Variants in GLYATL2 observed in about 807,000 individuals in gnomAD.
GLYATL2 encodes glycine N-acyltransferase-like protein 2.
GLYATL2 carries 25 observed loss-of-function variants against 21.4 expected under a neutral mutation model. The ratio of observed to expected loss-of-function variants is 1.17; its 90% CI spans 0.85 to 1.63. The LOEUF (loss-of-function observed/expected upper bound fraction) is 1.63, where lower values mean the gene tolerates loss of function less well. GLYATL2 is among the 40% of genes most tolerant of loss of function. The pLI is 0.00. For missense variants in GLYATL2, 361 were observed against 343.3 expected, an observed-to-expected ratio of 1.05 and a Z score of -0.41; for synonymous variants, 114 against 118.2, an observed-to-expected ratio of 0.96 and a Z score of 0.23.
At chr11:58,870,766 AT>A (rs1854103759) in intron 1 of GLYATL2, among the ~76,000 whole-genome samples, 1 of 152,240 alleles carries the variant, frequency 6.6e-6, no homozygotes. Flanking sequence ...AATGTTGCAT[AT>A]GCAATAGACG....
At chr11:58,838,714 A>C (rs1565088078) in intron 2 of GLYATL2, among the ~76,000 whole-genome samples, 1 of 152,176 alleles carries the variant, frequency 6.6e-6, no homozygotes, top group Non-Finnish European at 1.5e-5. Flanking sequence ...GTCTGTCTTA[A>C]GCATGAAAAA....
chr11:58,845,326 T>C (rs1853623461), upstream of GLYATL2, among the ~76,000 whole-genome samples: 1 of 152,190 alleles, frequency 6.6e-6, no homozygotes, highest in African/African-American at 2.4e-5. Flanking sequence ...TTATACTGGG[T>C]GCAGTGGCTC....
rs1236427380 is a variant in GLYATL2 at position 58,838,367 on chromosome 11, A to G, written c.80T>C (p.Val27Ala). The G allele has an allele frequency of 1.7e-5, 27 of 1,594,460 alleles. No homozygotes were observed. Among genetic ancestry groups the G allele is most frequent in the Non-Finnish European group, 2.3e-5 (27 of 1,162,748 alleles). ...TTTTATGTTGAAAATGGCGCCATAT[A>G]CCTACGATGCAACAGAACAAAGCAG... Reference protein sequence around the residue: ...LEKSIPESIKVYGAIFNIKDK... With the variant: ...LEKSIPESIKAYGAIFNIKDK... Residue 27 changes from valine (V) to alanine (A), a missense_variant and splice_region_variant, in exon 3 of 6, where the codon GTA becomes GCA. Coordinates refer to ENST00000287275, the MANE Select transcript of GLYATL2 (RefSeq NM_145016.4).
upstream of GLYATL2, among the ~76,000 whole-genome samples, chr11:58,848,985 C>G (rs1053728116): frequency 6.6e-6 from 1 of 152,116 alleles, no homozygotes; most frequent in Non-Finnish European, 1.5e-5. Context: ...AATGGAGATA[C>G]AATACATCTG....
At chr11:58,873,584 A>G (rs1854166430) in intron 1 of GLYATL2, among the ~76,000 whole-genome samples, 1 of 152,188 alleles carries the variant, frequency 6.6e-6, no homozygotes, top group Admixed American at 6.5e-5. Context: ...ATACTGGATT[A>G]CGTTTATTGA....
At chr11:58,885,264 G>C (rs1312545682) in intron 1 of GLYATL2, among the ~76,000 whole-genome samples, 1 of 152,186 alleles carries the variant, frequency 6.6e-6, no homozygotes, top group Admixed American at 6.5e-5. Context: ...CTGCCTGCTT[G>C]CTGGTAACTT....
intron 1 of GLYATL2, chr11:58,878,275 A>G: frequency 2.2e-6 from 1 of 445,348 alleles, no homozygotes. Flanking sequence ...CAGAAGCAGG[A>G]TCTGAAGTGG....
chr11:58,837,453 T>C, intron 3 of GLYATL2, 56 bp from the exon 4 acceptor site: 1 of 1,514,036 alleles, frequency 6.6e-7, no homozygotes, highest in African/African-American at 1.4e-5. Context: ...CAAAATGTTC[T>C]TGCATAGGTC....
chr11:58,838,632 A>C (rs140041427), intron 2 of GLYATL2, among the ~76,000 whole-genome samples: 3 of 152,274 alleles, frequency 2.0e-5, no homozygotes, highest in Non-Finnish European at 4.4e-5. Flanking sequence ...TTTCTAAAAA[A>C]TTCATGCCAT....
rs1373745614 is a variant in GLYATL2 at position 58,837,293 on chromosome 11, C to G, written c.291G>C (p.Trp97Cys). 5 of 1,613,720 alleles carry G rather than the reference C, an allele frequency of 3.1e-6. No individual in the cohort carries two copies. Among genetic ancestry groups the G allele is most frequent in the Admixed American group, 3.3e-5 (2 of 59,980 alleles). The change falls in exon 4 of 6, where the codon TGG (tryptophan) becomes TGC (cysteine). Residue 97 changes from tryptophan (W) to cysteine (C), a missense_variant. Coordinates refer to ENST00000287275, the MANE Select transcript of GLYATL2 (RefSeq NM_145016.4). ...TACCTTGGATCTGCAAAGTTTGCTC[C>G]CAGCTGATTACATTGGAGTATGACA... ...EVLSYSNVISWEQTLQIQGCQ... is the reference protein window; with the variant it reads ...EVLSYSNVISCEQTLQIQGCQ...
intron 1 of GLYATL2, among the ~76,000 whole-genome samples, chr11:58,878,924 T>C (rs2134609901): frequency 6.6e-6 from 1 of 152,320 alleles, no homozygotes; most frequent in South Asian, 2.1e-4. Context: ...CCCTTTTGGC[T>C]AAGAATGAGT....
chr11:58,874,077 G>A lies in GLYATL2; in HGVS notation n.60+30079C>T, dbSNP rs569655412. Among the ~76,000 whole-genome samples, 11 of 152,228 alleles carry A rather than the reference G, an allele frequency of 7.2e-5. No homozygotes were observed. In the South Asian group the frequency reaches 2.1e-3, roughly 29 times the overall value. On this transcript the variant is annotated intron_variant and non_coding_transcript_variant, in intron 1 of 4. Transcript: ENST00000533636. ...AGATTTTATAGTTTATTTGTGTAGA[G>A]GTGTTTATAGTATTCTTGATGGTAG...
At chr11:58,873,877 G>A (rs970732175) in intron 1 of GLYATL2, among the ~76,000 whole-genome samples, 5 of 152,102 alleles carry the variant, frequency 3.3e-5, no homozygotes, top group Admixed American at 2.0e-4. Flanking sequence ...GCTCCTCCTT[G>A]TACTTCTGGT....
intron 1 of GLYATL2, among the ~76,000 whole-genome samples, chr11:58,841,775 A>G (rs192894425): frequency 6.6e-6 from 1 of 152,338 alleles, no homozygotes; most frequent in East Asian, 1.9e-4. Context: ...AAAGGAGAGC[A>G]ATCAACTTCA....
chr11:58,909,316 C>T, the GLYATL2 span, among the ~76,000 whole-genome samples: 2 of 152,128 alleles, frequency 1.3e-5, no homozygotes, highest in Admixed American at 6.5e-5. Context: ...AAGATCTGTA[C>T]AGCATGGTGC....
chr11:58,850,223 G>C (rs1374309207), intron 1 of GLYATL2, among the ~76,000 whole-genome samples: 1 of 152,130 alleles, frequency 6.6e-6, no homozygotes, highest in East Asian at 1.9e-4. Flanking sequence ...CTGTAGGTCT[G>C]TCATATATAG....
At chr11:58,850,724 A>G (rs1192208850) in intron 1 of GLYATL2, among the ~76,000 whole-genome samples, 3 of 151,930 alleles carry the variant, frequency 2.0e-5, no homozygotes, top group Admixed American at 2.0e-4. Flanking sequence ...AGCACCTGCT[A>G]CTTAGCAGAC....
At chr11:58,843,116 C>T (rs770792196) in intron 1 of GLYATL2, among the ~76,000 whole-genome samples, 8 of 151,968 alleles carry the variant, frequency 5.3e-5, no homozygotes, top group Non-Finnish European at 1.2e-4. Context: ...TTTCCAAGAA[C>T]CTATTGACAA....
chr11:58,846,988 T>G (rs777323220), upstream of GLYATL2, among the ~76,000 whole-genome samples: 3 of 152,008 alleles, frequency 2.0e-5, no homozygotes, highest in Non-Finnish European at 2.9e-5. Flanking sequence ...TCTTGCATCT[T>G]GGATATCAGC....
Sources: gnomAD v4.1 joint callset for allele counts (sites outside exome capture counted in the v4.1 genomes callset) on GRCh38, gnomAD v4.1.1 for gene constraint, MANE v1.5 for transcripts, NCBI Gene and HGNC (gene_info 2026-07-23, HGNC 2026-07-21) for gene names.